FBXW7: variants seen among roughly 807,000 people sequenced by gnomAD.
FBXW7 encodes the protein F-box/WD repeat-containing protein 7.
FBXW7 carries 11 observed loss-of-function variants against 86.3 expected under a neutral mutation model. The observed-to-expected ratio is 0.13, with a 90% confidence interval of 0.08 to 0.21. The LOEUF is 0.21. Ranked by LOEUF, FBXW7 falls within the 10% of genes least tolerant of loss-of-function variation. FBXW7 has a pLI of 1.00. For synonymous variants in FBXW7, 313 were observed against 297.9 expected (o/e 1.05, Z -0.52); for missense variants, 488 against 847.4 (o/e 0.58, Z 5.27).
chr4:152,339,863 C>A (rs1280209143), intron 6 of FBXW7, among the ~76,000 whole-genome samples: 1 of 137,792 alleles, frequency 7.3e-6, no homozygotes. Context: ...GTCAAGTCTG[C>A]AACGAGCTAT....
intron 4 of FBXW7, among the ~76,000 whole-genome samples, chr4:152,352,312 T>C (rs1731892108): frequency 6.6e-6 from 1 of 152,122 alleles, no homozygotes; most frequent in African/African-American, 2.4e-5. Context: ...AGTCTTTCCG[T>C]TATTTGCTTA....
intron 2 of FBXW7, chr4:152,530,328 T>A (rs573886576): frequency 6.6e-6 from 1 of 152,292 alleles, no homozygotes; most frequent in South Asian, 2.1e-4. Flanking sequence ...GCTCTTATAA[T>A]TTGACTCATA....
At chr4:152,405,551 T>C (rs1194786927) in intron 4 of FBXW7, among the ~76,000 whole-genome samples, 1 of 152,210 alleles carries the variant, frequency 6.6e-6, no homozygotes, top group Non-Finnish European at 1.5e-5. Flanking sequence ...TTATTATCTA[T>C]ACAGAGCTAA....
At chr4:152,477,356 A>G (rs1051643814) in intron 2 of FBXW7, among the ~76,000 whole-genome samples, 13 of 152,160 alleles carry the variant, frequency 8.5e-5, no homozygotes, top group African/African-American at 3.1e-4. Flanking sequence ...CTCTTACCAG[A>G]GTGACATACT....
chr4:152,446,530 A>C (rs188185085), intron 2 of FBXW7, among the ~76,000 whole-genome samples: 3 of 152,328 alleles, frequency 2.0e-5, no homozygotes, highest in Non-Finnish European at 4.4e-5. Context: ...ACATAATTTG[A>C]TCAAGGTTAT....
intron 2 of FBXW7, among the ~76,000 whole-genome samples, chr4:152,471,355 GGGAGGGAAGGAA>G (rs201299299): frequency 8.1e-5 from 12 of 148,492 alleles, no homozygotes; most frequent in South Asian, 2.2e-4. Context: ...TACAATTACA[GGGAGGGAAGGAA>G]GGAGGGAAGG....
intron 11 of FBXW7, 103 bp from the exon 12 acceptor site, chr4:152,326,334 CTTTTTTTTT>C (rs367926135): frequency 3.6e-6 from 2 of 549,244 alleles, no homozygotes; most frequent in African/African-American, 4.3e-5. Flanking sequence ...GGTTTTTTAG[CTTTTTTTTT>C]TTTTTTTTTA....
At chr4:152,511,632 A>G (rs968404495) in intron 2 of FBXW7, among the ~76,000 whole-genome samples, 1 of 152,202 alleles carries the variant, frequency 6.6e-6, no homozygotes, top group African/African-American at 2.4e-5. Flanking sequence ...ATGTCCACCA[A>G]TATGGGACTA....
At chr4:152,325,729 T>C in intron 12 of FBXW7, 1 of 355,830 alleles carries the variant, frequency 2.8e-6, no homozygotes, top group Non-Finnish European at 5.2e-6. Flanking sequence ...TATTTAACCA[T>C]TAATTAACAT....
chr4:152,501,041 G>T (rs890583276), intron 2 of FBXW7, among the ~76,000 whole-genome samples: 1 of 152,160 alleles, frequency 6.6e-6, no homozygotes, highest in African/African-American at 2.4e-5. Context: ...AGACAAGTCC[G>T]ACTTAAAGTC....
At chr4:152,398,343 A>AT (rs1229823333) in intron 4 of FBXW7, among the ~76,000 whole-genome samples, 1 of 151,980 alleles carries the variant, frequency 6.6e-6, no homozygotes, top group Non-Finnish European at 1.5e-5. Flanking sequence ...TAAAAAAAAA[A>AT]ATAATACTTT....
In FBXW7 at chr4:152,472,756, T is replaced by G. The variant is rs906609828; in HGVS notation, c.-119-60227A>C. On this transcript the variant is annotated intron_variant, in intron 2 of 13. Transcript: ENST00000281708. The stretch of plus-strand genomic sequence containing the variant: ...ATCAATATAAAAAGCTCATATATAC[T>G]TTGTGTATGTAAATTATACAATTTT... 8.5e-5 allele frequency among the ~76,000 whole-genome samples: 13 copies of G among 152,282 alleles called. No individual in the cohort carries two copies. The South Asian group carries it at 2.5e-3, about 29-fold the overall frequency.
At chr4:152,480,949 TAGA>T (rs1401709932) in intron 2 of FBXW7, among the ~76,000 whole-genome samples, 5 of 152,224 alleles carry the variant, frequency 3.3e-5, no homozygotes, top group Non-Finnish European at 7.4e-5. Flanking sequence ...GCAAGTTATC[TAGA>T]AGATCTAACT....
At chr4:152,450,983 C>T (rs762597941) in intron 2 of FBXW7, among the ~76,000 whole-genome samples, 16 of 152,072 alleles carry the variant, frequency 1.1e-4, no homozygotes, top group Non-Finnish European at 1.8e-4. Context: ...AGCAATATGA[C>T]GTATTTTCAT....
At chr4:152,522,232 TAC>T (rs1170720217) in intron 2 of FBXW7, among the ~76,000 whole-genome samples, 1 of 152,166 alleles carries the variant, frequency 6.6e-6, no homozygotes, top group African/African-American at 2.4e-5. Context: ...CTATTCATAA[TAC>T]ACTTTTACAT....
intron 2 of FBXW7, chr4:152,530,231 AC>A (rs959704669): frequency 1.3e-4 from 20 of 152,256 alleles, no homozygotes; most frequent in Middle Eastern, 3.4e-3. Flanking sequence ...AATTAACAAA[AC>A]AAAAATTGCG....
intron 2 of FBXW7, among the ~76,000 whole-genome samples, chr4:152,497,275 T>C (rs1221929648): frequency 8.0e-6 from 1 of 125,126 alleles, no homozygotes; most frequent in Admixed American, 1.1e-4. Flanking sequence ...TGAGCCAAGA[T>C]CGCACCACTG....
intron 12 of FBXW7, chr4:152,324,640 G>T (rs1728843543): frequency 2.4e-6 from 1 of 415,156 alleles, no homozygotes; most frequent in Admixed American, 4.1e-5. Context: ...ACTAGATGCA[G>T]AAACAACTTA....
At chr4:152,431,339 C>G (rs916028443) in intron 2 of FBXW7, among the ~76,000 whole-genome samples, 1 of 152,100 alleles carries the variant, frequency 6.6e-6, no homozygotes. Flanking sequence ...TACTGAGCAA[C>G]AGCACAACAG....
Sources: allele counts gnomAD v4.1 joint callset (sites outside exome capture counted in the v4.1 genomes callset), GRCh38; gene constraint gnomAD v4.1.1; transcripts MANE v1.5; gene names NCBI Gene and HGNC (gene_info 2026-07-23, HGNC 2026-07-21).